Variants in IGF1R observed in about 807,000 individuals in gnomAD.
IGF1R encodes insulin like growth factor 1 receptor, also known as insulin-like growth factor 1 receptor.
In IGF1R, 44 loss-of-function variants were observed where a neutral mutation model predicts 144.6. The observed-to-expected ratio is 0.30, with a 90% CI of 0.24 to 0.39. IGF1R has a LOEUF of 0.39. Ranked by LOEUF, IGF1R falls within the 10% of genes least tolerant of loss-of-function variation. The pLI is 1.00. For synonymous variants in IGF1R, 795 were observed against 722.8 expected (o/e 1.10, Z -1.60); for missense variants, 1,355 against 1,833.7 (o/e 0.74, Z 4.77).
In IGF1R at chr15:98,825,357, C is replaced by T. The variant is rs78009580; in HGVS notation, c.641-65968C>T. ...AATGGTGTGATATTTGTGTATAGCCCATGCTCATCTTTCCGTATACTTTAA... is the reference window on the plus strand; with the variant it reads ...AATGGTGTGATATTTGTGTATAGCCTATGCTCATCTTTCCGTATACTTTAA... On this transcript the variant is annotated intron_variant, in intron 2 of 20. Coordinates refer to ENST00000650285, the MANE Select transcript of IGF1R (RefSeq NM_000875.5). Among the ~76,000 whole-genome samples the T allele has an allele frequency of 3.2e-3, 495 of 152,346 alleles. 3 individuals carry two copies. The highest frequency in any genetic ancestry group is 0.011 in the African/African-American group (471 of 41,580).
Position 98,935,146 on chromosome 15 carries a change from G to A in IGF1R, c.3186+93G>A, listed in dbSNP as rs2016093749. On this transcript the variant is annotated intron_variant, in intron 16 of 20. Transcript: ENST00000650285. The surrounding 1 kb of genome is among the most constrained non-coding windows in gnomAD (Gnocchi z 4.2). Reference sequence around the variant, plus strand: ...TGTTCTTGGCTGCATGTACCCGTGGGTTTGGTGTCTTGCCTTTGCCTTCTG... The same window carrying A: ...TGTTCTTGGCTGCATGTACCCGTGGATTTGGTGTCTTGCCTTTGCCTTCTG... 1.7e-6 allele frequency: 2 copies of A among 1,156,436 alleles called. No homozygotes were observed. Among genetic ancestry groups the A allele is most frequent in the Non-Finnish European group, 2.6e-6 (2 of 778,522 alleles). 71.6% of individuals were successfully genotyped at this position (1,156,436 alleles called of 1,614,324 possible). A position where few individuals can be genotyped will look rare whatever the true frequency, so the allele number is the denominator to read the frequency against.
chr15:98,922,186 A>C lies in IGF1R; in HGVS notation c.2240A>C (p.Asn747Thr), dbSNP rs146902252. Residue 747 changes from asparagine to threonine, a missense_variant, in exon 11 of 21, where the codon AAC becomes ACC. By Grantham distance (65) the Asn-to-Thr change is moderately conservative. Coordinates refer to ENST00000650285, the MANE Select transcript of IGF1R (RefSeq NM_000875.5). ...CGGAGAGATGTCATGCAAGTGGCCA[A>C]CACCACCATGTCCAGCCGAAGCAGG... ...RKRRDVMQVANTTMSSRSRNT... is the reference protein window; with the variant it reads ...RKRRDVMQVATTTMSSRSRNT... The C allele has an allele frequency of 1.2e-6, 2 of 1,614,224 alleles. No homozygotes were observed. Among genetic ancestry groups the C allele is most frequent in the Non-Finnish European group, 8.5e-7 (1 of 1,180,042 alleles).
intron 2 of IGF1R, among the ~76,000 whole-genome samples, chr15:98,777,489 G>C (rs992479698): frequency 6.6e-6 from 1 of 152,218 alleles, no homozygotes; most frequent in Non-Finnish European, 1.5e-5. Flanking sequence ...CACCGACCTC[G>C]GAAGTCTCTA....
chr15:98,681,528 A>G (rs1456447722), intron 1 of IGF1R, among the ~76,000 whole-genome samples: 2 of 152,114 alleles, frequency 1.3e-5, no homozygotes, highest in Non-Finnish European at 1.5e-5. Flanking sequence ...TTTGCTGGAT[A>G]TGTGAGCCAT....
chr15:98,938,785 C>A (rs1291847549), intron 17 of IGF1R, among the ~76,000 whole-genome samples: 1 of 152,196 alleles, frequency 6.6e-6, no homozygotes, highest in Non-Finnish European at 1.5e-5. Context: ...TCCACACAGC[C>A]TTTGTAACGT....
intron 2 of IGF1R, among the ~76,000 whole-genome samples, chr15:98,886,138 G>A (rs1206299865): frequency 6.6e-6 from 1 of 151,966 alleles, no homozygotes; most frequent in African/African-American, 2.4e-5. Context: ...TTTTAAAAAT[G>A]GTTTCTCTGC....
intron 2 of IGF1R, among the ~76,000 whole-genome samples, chr15:98,835,616 A>G (rs539785438): frequency 7.0e-4 from 106 of 152,320 alleles, no homozygotes; most frequent in African/African-American, 2.5e-3. Flanking sequence ...AGAGTAGGGA[A>G]GAGCTGCAGT....
chr15:98,669,916 G>A (rs1006249281), intron 1 of IGF1R, among the ~76,000 whole-genome samples: 2 of 152,154 alleles, frequency 1.3e-5, no homozygotes, highest in Non-Finnish European at 2.9e-5. Flanking sequence ...ACTTGGATTC[G>A]GCTACAGTGG....
At chr15:98,812,481 C>T (rs1317088951) in intron 2 of IGF1R, among the ~76,000 whole-genome samples, 1 of 152,056 alleles carries the variant, frequency 6.6e-6, no homozygotes, top group Non-Finnish European at 1.5e-5. Flanking sequence ...CTCAGCCTCC[C>T]CAGTAGCTGG....
intron 2 of IGF1R, among the ~76,000 whole-genome samples, chr15:98,802,197 A>G (rs1331499188): frequency 6.6e-6 from 1 of 152,216 alleles, no homozygotes; most frequent in African/African-American, 2.4e-5. Context: ...GAATGAGTTG[A>G]GGATTCGATC....
intron 10 of IGF1R, among the ~76,000 whole-genome samples, chr15:98,920,181 C>G (rs2015424736): frequency 6.6e-6 from 1 of 152,054 alleles, no homozygotes; most frequent in Non-Finnish European, 1.5e-5. Context: ...GGAAAGTTGG[C>G]AGTAATGTTT....
At chr15:98,706,291 C>T (rs1469776320) in intron 1 of IGF1R, among the ~76,000 whole-genome samples, 4 of 152,244 alleles carry the variant, frequency 2.6e-5, no homozygotes, top group Non-Finnish European at 4.4e-5. Context: ...CAGAAAACTT[C>T]ACTCTATCTG....
chr15:98,897,207 A>G, intron 4 of IGF1R: 1 of 411,460 alleles, frequency 2.4e-6, no homozygotes, highest in Non-Finnish European at 4.5e-6. Context: ...CAAACCCCAG[A>G]AGAGACCATT....
intron 8 of IGF1R, among the ~76,000 whole-genome samples, chr15:98,913,982 T>C (rs2015131880): frequency 6.6e-6 from 1 of 152,244 alleles, no homozygotes; most frequent in Non-Finnish European, 1.5e-5. Flanking sequence ...GGGTGGCTTA[T>C]AAGCAATAGA....
Position 98,928,835 on chromosome 15 carries a change from C to T in IGF1R, c.2783-723C>T, listed in dbSNP as rs537430961. Among the ~76,000 whole-genome samples, 41 of 152,206 alleles carry T rather than the reference C, an allele frequency of 2.7e-4. No homozygotes were observed. In the South Asian group the frequency reaches 8.5e-3, roughly 32 times the overall value. ...AAGTGCTGGTTCTGATGATCAGTGG[C>T]TTCTGTGGTCTTAGACTTGTAGCAG... On this transcript the variant is annotated intron_variant, in intron 13 of 20. Coordinates refer to ENST00000650285, the MANE Select transcript of IGF1R (RefSeq NM_000875.5).
chr15:98,853,714 C>A (rs1384995180), intron 2 of IGF1R, among the ~76,000 whole-genome samples: 2 of 152,246 alleles, frequency 1.3e-5, no homozygotes, highest in African/African-American at 4.8e-5. Context: ...GAACATGTTG[C>A]AAAGCCGTGG....
chr15:98,874,041 G>A (rs776288336), intron 2 of IGF1R, among the ~76,000 whole-genome samples: 58 of 152,170 alleles, frequency 3.8e-4, no homozygotes, highest in Non-Finnish European at 4.9e-4. Context: ...CCTCTGCCGG[G>A]GGTTTAGAAA....
intron 1 of IGF1R, among the ~76,000 whole-genome samples, chr15:98,653,353 A>C (rs770465389): frequency 6.8e-4 from 103 of 152,356 alleles, no homozygotes; most frequent in Non-Finnish European, 1.2e-3. Flanking sequence ...CCAACAAAGA[A>C]AGACATTGCT....
chr15:98,675,857 G>T (rs1389285688), intron 1 of IGF1R, among the ~76,000 whole-genome samples: 2 of 113,732 alleles, frequency 1.8e-5, no homozygotes, highest in African/African-American at 3.5e-5. Context: ...AGAGAGTCTC[G>T]CTCTGTTGCT....
Sources: gnomAD v4.1 joint callset for allele counts (sites outside exome capture counted in the v4.1 genomes callset) on GRCh38, gnomAD v4.1.1 for gene constraint, Gnocchi (gnomAD v3.1) non-coding constraint, MANE v1.5 for transcripts, NCBI Gene and HGNC (gene_info 2026-07-23, HGNC 2026-07-21) for gene names.